The following CCDC159 variants were observed in gnomAD, a reference collection of about 807,000 sequenced individuals.
CCDC159 encodes the protein coiled-coil domain containing 159.
In CCDC159, 40 loss-of-function variants were observed where a neutral mutation model predicts 50.9. The ratio of observed to expected loss-of-function variants is 0.79; its 90% confidence interval spans 0.61 to 1.02. The LOEUF is 1.02. Among genes scored for constraint, CCDC159 ranks in the 50% least tolerant of loss-of-function variants. CCDC159 has a pLI of 0.00. For synonymous variants in CCDC159, 146 were observed against 138.9 expected (o/e 1.05, Z -0.36); for missense variants, 356 against 371.5 (o/e 0.96, Z 0.34).
chr19:11,350,494 A>C (rs1967510916), intron 4 of CCDC159, among the ~76,000 whole-genome samples: 1 of 152,036 alleles, frequency 6.6e-6, no homozygotes, highest in African/African-American at 2.4e-5. Context: ...CTCTACTAAC[A>C]ATACAAAAAT....
In CCDC159 at chr19:11,346,592, G is replaced by T; in HGVS notation, c.-15G>T. 1.9e-6 allele frequency: 3 copies of T among 1,551,522 alleles called. No individual in the cohort carries two copies. The highest frequency in any genetic ancestry group is 2.6e-6 in the Non-Finnish European group (3 of 1,146,912). On this transcript the variant is annotated 5_prime_UTR_variant, in exon 1 of 11. Transcript: ENST00000458408. ...ACTTCAGCGTCACAGCTGAGGACTG[G>T]CTTCGTGGTCCCTGATGGGAGAGCA...
chr19:11,349,473 T>A, intron 1 of CCDC159, 181 bp from the exon 2 acceptor site: 1 of 706,198 alleles, frequency 1.4e-6, no homozygotes, highest in Non-Finnish European at 2.4e-6. Context: ...CTTCTGAGCA[T>A]ATGTAGCCCA....
Position 11,349,920 on chromosome 19 carries a change from C to G in CCDC159, c.56-18C>G. ...CCCACCCCTTACAGCCCTGGCTCAC[C>G]CTCTTCTCTGCCCACAGCCAAGACC... On this transcript the variant is annotated intron_variant, in intron 2 of 10. Transcript: ENST00000458408. 3.7e-6 allele frequency: 6 copies of G among 1,613,048 alleles called. No homozygotes were observed. Among genetic ancestry groups the G allele is most frequent in the Non-Finnish European group, 4.2e-6 (5 of 1,179,180 alleles).
intron 7 of CCDC159, chr19:11,352,379 G>C: frequency 2.0e-6 from 1 of 491,994 alleles, no homozygotes; most frequent in South Asian, 2.1e-5. Context: ...ACTTTGGGAG[G>C]CTGAGGTGGG....
chr19:11,350,076 C>A (rs1461545248), intron 3 of CCDC159, 42 bp from the exon 4 acceptor site: 1 of 1,611,076 alleles, frequency 6.2e-7, no homozygotes, highest in Non-Finnish European at 8.5e-7. Context: ...TCCTTGCCCT[C>A]CCCTCCTTCC....
intron 8 of CCDC159, 29 bp downstream of exon 8, chr19:11,353,601 G>A (rs1357043324): frequency 6.2e-7 from 1 of 1,607,776 alleles, no homozygotes; most frequent in Non-Finnish European, 8.5e-7. Context: ...TCTGACCCCT[G>A]ACCCTCCTCT....
intron 10 of CCDC159, 25 bp downstream of exon 10, chr19:11,354,721 C>G (rs748980169): frequency 2.6e-5 from 41 of 1,606,436 alleles, no homozygotes; most frequent in East Asian, 6.7e-5. Context: ...CAGTCCCCCC[C>G]TCCACCCATT....
rs1284575071 is a variant in CCDC159, at chr19:11,351,649, G to A, written c.423-257G>A. 3 of 409,622 alleles carry A rather than the reference G, an allele frequency of 7.3e-6. No homozygotes were observed. The South Asian group carries it at 9.6e-5, about 13-fold the overall frequency. The allele number at this position is 409,622 out of a possible 1,614,324, so 25.4% of individuals were successfully genotyped here. A position where few individuals can be genotyped will look rare whatever the true frequency, so the allele number is the denominator to read the frequency against. ...CAGGAGACTGGGGGTATAGAAAGTC[G>A]GGGGACAGGAGGTGGGGAGGTGGAG... On this transcript the variant is annotated intron_variant, in intron 5 of 10. Transcript: ENST00000458408.
intron 7 of CCDC159, among the ~76,000 whole-genome samples, chr19:11,352,947 CCAAAAA>C (rs199576696): frequency 0.011 from 1,672 of 151,826 alleles, 16 homozygotes; most frequent in Non-Finnish European, 0.018. Flanking sequence ...GAAACAAACA[CCAAAAA>C]CAAAAACAAA....
chr19:11,346,561 G>A lies in CCDC159; in HGVS notation c.-46G>A. On this transcript the variant is annotated 5_prime_UTR_variant, in exon 1 of 11. Transcript: ENST00000458408. ...TTTTAATACGATGGTGTCCCCGCGG[G>A]ATCAAACTTCAGCGTCACAGCTGAG... 1 of 1,550,514 alleles carries A rather than the reference G, an allele frequency of 6.4e-7. No individual in the cohort carries two copies. Among genetic ancestry groups the A allele is most frequent in the Non-Finnish European group, 8.7e-7 (1 of 1,145,984 alleles).
rs369947784 is a variant in CCDC159, at chr19:11,350,126, G to A, written c.153G>A (p.Glu51=). The A allele has an allele frequency of 1.2e-6, 2 of 1,613,548 alleles. No homozygotes were observed. Among genetic ancestry groups the A allele is most frequent in the Admixed American group, 1.7e-5 (1 of 59,920 alleles). The change falls in exon 4 of 11, where the codon GAG becomes GAA. Residue 51 remains glutamate, a synonymous_variant. Transcript: ENST00000458408. Reference sequence around the variant, plus strand: ...TGACCTCTTTCCCCCAGGCTTTCGAGTTCCTGAACCACTCAGTGACCATGT... The same window carrying A: ...TGACCTCTTTCCCCCAGGCTTTCGAATTCCTGAACCACTCAGTGACCATGT... ...SQLQAQTKAF[E]FLNHSVTMLE...
In CCDC159 at chr19:11,350,175, C is replaced by A. The variant is rs1129743; in HGVS notation, c.202C>A (p.Gln68Lys). Residue 68 changes from glutamine to lysine, a missense_variant, in exon 4 of 11, where the codon CAA (glutamine) becomes AAA (lysine). Transcript: ENST00000458408. The stretch of plus-strand genomic sequence containing the variant: ...GTTGGAGAAGGAGAGCTGCTTGCAG[C>A]AAATCAAGATTCAGCAGCTTGAAGG... Reference protein sequence around the residue: ...TMLEKESCLQQIKIQQLEEVL... With the variant: ...TMLEKESCLQKIKIQQLEEVL... The A allele has an allele frequency of 6.2e-7, 1 of 1,612,566 alleles. No homozygotes were observed. Among genetic ancestry groups the A allele is most frequent in the East Asian group, 2.2e-5 (1 of 44,858 alleles).
intron 1 of CCDC159, chr19:11,348,008 C>G (rs777204138): frequency 2.4e-6 from 1 of 411,962 alleles, no homozygotes. Flanking sequence ...AAACTCCTGG[C>G]TTGGCCGTCA....
At chr19:11,354,070 A>G (rs1016180304) in intron 9 of CCDC159, among the ~76,000 whole-genome samples, 196 bp downstream of exon 9, 1 of 152,184 alleles carries the variant, frequency 6.6e-6, no homozygotes, top group African/African-American at 2.4e-5. Flanking sequence ...ATTCAGAGTC[A>G]CTTGGATCTT....
rs536736427 is a variant in CCDC159 at position 11,349,659 on chromosome 19, C to T, written c.27C>T (p.Pro9=). Reference sequence around the variant, plus strand: ...ATCTCATCTCTCTTCCTTAGAAGCCCTTGGAGACCAGCTCTTCCAAAGTCA... The same window carrying T: ...ATCTCATCTCTCTTCCTTAGAAGCCTTTGGAGACCAGCTCTTCCAAAGTCA... The part of the protein sequence containing the change: MGEHEQVK[P]LETSSSKVKA... Residue 9 remains proline (P), a synonymous_variant, in exon 2 of 11, where the codon CCC becomes CCT. Transcript: ENST00000458408. 55 of 1,613,302 alleles carry T rather than the reference C, an allele frequency of 3.4e-5. 1 individual carries two copies. The Admixed American group carries it at 4.8e-4, about 14-fold the overall frequency.
intron 8 of CCDC159, 38 bp downstream of exon 8, chr19:11,353,610 C>T: frequency 1.2e-6 from 2 of 1,605,504 alleles, no homozygotes; most frequent in Admixed American, 3.4e-5. Flanking sequence ...TGACCCTCCT[C>T]TGAACCCGTT....
At chr19:11,353,666 T>TG in intron 8 of CCDC159, 94 bp downstream of exon 8, 1 of 1,583,534 alleles carries the variant, frequency 6.3e-7, no homozygotes, top group Non-Finnish European at 8.6e-7. Context: ...GGAGCCCACC[T>TG]GAGTCCAGAC....
intron 8 of CCDC159, 69 bp downstream of exon 8, chr19:11,353,641 T>G: frequency 6.2e-7 from 1 of 1,600,716 alleles, no homozygotes; most frequent in Non-Finnish European, 8.5e-7. Flanking sequence ...GATCTGGCAG[T>G]GACCACCAGA....
intron 1 of CCDC159, among the ~76,000 whole-genome samples, chr19:11,346,917 G>A (rs929137815): frequency 6.6e-6 from 1 of 152,162 alleles, no homozygotes; most frequent in African/African-American, 2.4e-5. Flanking sequence ...TCTATACCAG[G>A]CACTGGCATG....
Sources: gnomAD v4.1 joint callset for allele counts (sites outside exome capture counted in the v4.1 genomes callset) on GRCh38, gnomAD v4.1.1 for gene constraint, MANE v1.5 for transcripts, NCBI Gene and HGNC (gene_info 2026-07-23, HGNC 2026-07-21) for gene names.